Variants in TNMD observed in about 807,000 individuals in gnomAD.
The protein encoded by TNMD is tenomodulin.
A neutral mutation model predicts 26.9 loss-of-function variants in TNMD; 15 were observed. That is an observed-to-expected ratio of 0.56 (90% confidence interval 0.37 to 0.86). The LOEUF (loss-of-function observed/expected upper bound fraction) is 0.86, where lower values mean the gene tolerates loss of function less well. TNMD is among the 40% of genes least tolerant of loss of function. TNMD has a pLI of 0.00. For synonymous variants in TNMD, 73 were observed against 77.0 expected (o/e 0.95, Z 0.27); for missense variants, 222 against 242.6 (o/e 0.92, Z 0.56).
Position 100,599,049 on chromosome X carries a change from A to G in TNMD, c.611A>G (p.Glu204Gly), listed in dbSNP as rs1470118438. 8.3e-7 allele frequency: 1 copy of G among 1,206,409 alleles called. No individual in the cohort carries two copies. The highest frequency in any genetic ancestry group is 1.1e-6 in the Non-Finnish European group (1 of 892,667). ...TTACAAGACTTTGAGGAGGAGGGAG[A>G]AGATCTTCACTTTCCTGCCAACGAA... is the stretch of plus-strand genomic sequence containing the variant. ...SELQDFEEEG[E>G]DLHFPANEKK... Residue 204 changes from glutamate to glycine, a missense_variant, in exon 6 of 7, where the codon GAA becomes GGA. Glu to Gly is a moderately conservative substitution (Grantham distance 98, BLOSUM62 -2). Coordinates refer to ENST00000373031, the MANE Select transcript of TNMD (RefSeq NM_022144.3).
At chrX:100,588,529 T>A (rs1024087425) in intron 2 of TNMD, among the ~76,000 whole-genome samples, 1 of 110,946 alleles carries the variant, frequency 9.0e-6, no homozygotes, top group African/African-American at 3.3e-5. Context: ...CCCAGCAATT[T>A]TGAGAAAGCA....
chrX:100,592,494 T>C (rs1347257209), intron 2 of TNMD, among the ~76,000 whole-genome samples: 1 of 112,135 alleles, frequency 8.9e-6, no homozygotes, highest in African/African-American at 3.2e-5. Flanking sequence ...TTTAGGAAGA[T>C]AAGGATGTGC....
Position 100,594,007 on chromosome X carries a change from A to G in TNMD, c.293A>G (p.Glu98Gly), listed in dbSNP as rs1275437438. ...TTCAGAAGCGGAAATGGCACTGATGAAACATTGGAAGTGCACGACTTTAAA... is the reference window on the plus strand; with the variant it reads ...TTCAGAAGCGGAAATGGCACTGATGGAACATTGGAAGTGCACGACTTTAAA... ...EIFRSGNGTD[E>G]TLEVHDFKNG... The change falls in exon 3 of 7, where the codon GAA becomes GGA. Residue 98 changes from glutamate (E) to glycine (G), a missense_variant. By Grantham distance (98) the Glu-to-Gly change is moderately conservative. Coordinates refer to ENST00000373031, the MANE Select transcript of TNMD (RefSeq NM_022144.3). 8.3e-7 allele frequency: 1 copy of G among 1,210,712 alleles called. No individual in the cohort carries two copies. Among genetic ancestry groups the G allele is most frequent in the Non-Finnish European group, 1.1e-6 (1 of 894,935 alleles).
chrX:100,588,156 G>A (rs2082927058), intron 2 of TNMD, among the ~76,000 whole-genome samples: 2 of 111,596 alleles, frequency 1.8e-5, no homozygotes, highest in South Asian at 7.5e-4. Context: ...ATGCCAATAA[G>A]TCCTTCTCCT....
chrX:100,593,601 A>G (rs924673847), intron 2 of TNMD: 9 of 188,850 alleles, frequency 4.8e-5, no homozygotes, highest in Non-Finnish European at 8.2e-5. Context: ...GGTCGTGATT[A>G]CTTAGCACTT....
At chrX:100,587,023 C>T (rs1410037938) in intron 2 of TNMD, among the ~76,000 whole-genome samples, 4 of 112,361 alleles carry the variant, frequency 3.6e-5, no homozygotes, top group African/African-American at 1.3e-4. Context: ...GATAGCTAGT[C>T]CTTTTGACCA....
chrX:100,595,449 CTCTT>C (rs3086928), intron 4 of TNMD, among the ~76,000 whole-genome samples: 136 of 106,046 alleles, frequency 1.3e-3, no homozygotes, highest in Middle Eastern at 9.7e-3. Flanking sequence ...CTATAAAAAC[CTCTT>C]TCTTTCTTTC....
intron 2 of TNMD, among the ~76,000 whole-genome samples, chrX:100,592,782 G>T (rs1340295627): frequency 8.9e-6 from 1 of 112,198 alleles, no homozygotes; most frequent in African/African-American, 3.2e-5. Context: ...TCTCTATAAG[G>T]CTGCCACTGG....
rs767884458 is a variant in TNMD, at chrX:100,594,048, T to C, written c.321+13T>C. The C allele has an allele frequency of 5.0e-6, 6 of 1,201,595 alleles. No individual in the cohort carries two copies. The East Asian group carries it at 1.8e-4, about 36-fold the overall frequency. On this transcript the variant is annotated intron_variant, in intron 3 of 6. Transcript: ENST00000373031. ...CGACTTTAAAAACGTAAGTTGGATG[T>C]TTTCCTCCTAAGGCTTTCCACTTAA...
chrX:100,597,810 A>C, intron 5 of TNMD, 153 bp downstream of exon 5: 1 of 532,965 alleles, frequency 1.9e-6, no homozygotes, highest in South Asian at 3.4e-5. Context: ...GTGAGGAGGG[A>C]ATTTTTCACA....
In TNMD at chrX:100,596,120, C is replaced by T. The variant is rs1017741069; in HGVS notation, c.424-1384C>T. Among the ~76,000 whole-genome samples, 8 of 112,036 alleles carry T rather than the reference C, an allele frequency of 7.1e-5. No individual in the cohort carries two copies. In the East Asian group the frequency reaches 1.1e-3, roughly 16 times the overall value. ...GGGGGATCACTGGAGGTCAGGAGTT[C>T]GAGACCACTCTGGCCAACATGGTGA... On this transcript the variant is annotated intron_variant, in intron 4 of 6. Coordinates refer to ENST00000373031, the MANE Select transcript of TNMD (RefSeq NM_022144.3).
chrX:100,597,482 C>T, intron 4 of TNMD, 22 bp from the exon 5 acceptor site: 1 of 1,209,684 alleles, frequency 8.3e-7, no homozygotes, highest in Non-Finnish European at 1.1e-6. Context: ...AATCCCTACC[C>T]TAAGCTACTT....
At position 100,594,386 on chromosome X, in the gene TNMD, T is replaced by C. The variant is rs201637965; in HGVS notation, c.423+24T>C. The C allele has an allele frequency of 1.5e-4, 147 of 1,012,484 alleles. 1 individual carries two copies. In the Middle Eastern group the frequency reaches 8.3e-3, roughly 57 times the overall value. The allele number at this position is 1,012,484 out of a possible 1,213,427, so 83.4% of individuals were successfully genotyped here. A position where few individuals can be genotyped will look rare whatever the true frequency, so the allele number is the denominator to read the frequency against. ...AGGTATGTAAGAAGAATAATTGTGG[T>C]GGCAAAAGACATCATTTATTGGATG... On this transcript the variant is annotated intron_variant, in intron 4 of 6. Coordinates refer to ENST00000373031, the MANE Select transcript of TNMD (RefSeq NM_022144.3).
chrX:100,595,449 C>CTCTTTCTT (rs3086928), intron 4 of TNMD, among the ~76,000 whole-genome samples: 1,533 of 106,028 alleles, frequency 0.014, 29 homozygotes, highest in African/African-American at 0.049. Flanking sequence ...CTATAAAAAC[C>CTCTTTCTT]TCTTTCTTTC....
chrX:100,598,339 G>A (rs1415830263), intron 5 of TNMD, among the ~76,000 whole-genome samples: 1 of 111,634 alleles, frequency 9.0e-6, no homozygotes, highest in African/African-American at 3.3e-5. Context: ...GTACTCTTTA[G>A]AGATATTAAA....
chrX:100,595,150 A>G (rs1350578699), intron 4 of TNMD, among the ~76,000 whole-genome samples: 3 of 112,273 alleles, frequency 2.7e-5, no homozygotes, highest in African/African-American at 9.7e-5. Context: ...ACCTCAGTTA[A>G]GGTCATATTG....
chrX:100,594,826 T>C, intron 4 of TNMD, among the ~76,000 whole-genome samples: 1 of 112,163 alleles, frequency 8.9e-6, no homozygotes, highest in Non-Finnish European at 1.9e-5. Context: ...ATTTTAAAGA[T>C]TGTGGTTCAT....
At chrX:100,593,516 C>A in intron 2 of TNMD, 3 of 326,027 alleles carry the variant, frequency 9.2e-6, no homozygotes, top group Non-Finnish European at 1.2e-5. Context: ...AAACACTTAA[C>A]CATTTTAAGT....
At chrX:100,593,086 G>T (rs758310059) in intron 2 of TNMD, among the ~76,000 whole-genome samples, 1 of 111,950 alleles carries the variant, frequency 8.9e-6, no homozygotes, top group South Asian at 3.8e-4. Context: ...GGTCCTCTTG[G>T]TCTTTAGAAA....
Sources: allele counts gnomAD v4.1 joint callset (sites outside exome capture counted in the v4.1 genomes callset), GRCh38; gene constraint gnomAD v4.1.1; transcripts MANE v1.5; gene names NCBI Gene and HGNC (gene_info 2026-07-23, HGNC 2026-07-21).